GNB4: variants seen among roughly 807,000 people sequenced by gnomAD.
The protein encoded by GNB4 is guanine nucleotide-binding protein subunit beta-4.
Under a neutral mutation model 45.2 loss-of-function variants are expected in GNB4, and 28 were observed. The ratio of observed to expected loss-of-function variants is 0.62; its 90% CI spans 0.46 to 0.85. GNB4 has a LOEUF of 0.85. GNB4 is among the 40% of genes least tolerant of loss of function. GNB4 has a pLI of 0.00. For missense variants in GNB4, 321 were observed against 425.4 expected (o/e 0.75, Z 2.16); for synonymous variants, 132 against 143.7 (o/e 0.92, Z 0.58).
intron 2 of GNB4, among the ~76,000 whole-genome samples, chr3:179,421,949 A>C (rs183027120): frequency 1.3e-5 from 2 of 152,348 alleles, no homozygotes; most frequent in East Asian, 3.9e-4. Flanking sequence ...AAAATGGTAG[A>C]GTTAAAGACC....
chr3:179,510,351 T>C, the GNB4 span, among the ~76,000 whole-genome samples: 6 of 152,156 alleles, frequency 3.9e-5, no homozygotes, highest in Admixed American at 3.9e-4. Flanking sequence ...CTGCCCTCAT[T>C]CAGTAGTGAA....
At chr3:179,478,028 G>T in the GNB4 span, among the ~76,000 whole-genome samples, 1 of 152,154 alleles carries the variant, frequency 6.6e-6, no homozygotes, top group Non-Finnish European at 1.5e-5. Flanking sequence ...AGTTCTGGGG[G>T]CTGGGGAGTC....
intron 9 of GNB4, among the ~76,000 whole-genome samples, chr3:179,404,828 C>T (rs1000327060): frequency 1.3e-5 from 2 of 151,874 alleles, no homozygotes; most frequent in African/African-American, 4.8e-5. Flanking sequence ...ATGTCCTGTC[C>T]CATACAAGAT....
chr3:179,468,035 A>AAATATATATATATATAT, the GNB4 span, among the ~76,000 whole-genome samples: 51 of 89,740 alleles, frequency 5.7e-4, 3 homozygotes, highest in South Asian at 1.8e-3. Context: ...TGTTGATAAA[A>AAATATATATATATATAT]ATATATATAT....
At chr3:179,416,055 T>C (rs1279039476) in intron 5 of GNB4, among the ~76,000 whole-genome samples, 1 of 151,808 alleles carries the variant, frequency 6.6e-6, no homozygotes, top group Non-Finnish European at 1.5e-5. Flanking sequence ...GAGATCTACG[T>C]AAGTTGTCAT....
At position 179,436,629 on chromosome 3, in the gene GNB4, A is replaced by C. The variant is rs541547761; in HGVS notation, c.-42-10387T>G. Among the ~76,000 whole-genome samples, 43 of 152,232 alleles carry C rather than the reference A, an allele frequency of 2.8e-4. No homozygotes were observed. In the South Asian group the frequency reaches 8.7e-3, roughly 31 times the overall value. On this transcript the variant is annotated intron_variant, in intron 1 of 9. Transcript: ENST00000232564. ...TTAACTAAGAAATTTTAAAACACAC[A>C]TGCCCACCCACCCCAAGTGTTCCAT...
At chr3:179,435,282 T>A (rs946022869) in intron 1 of GNB4, among the ~76,000 whole-genome samples, 1 of 152,102 alleles carries the variant, frequency 6.6e-6, no homozygotes, top group Admixed American at 6.5e-5. Flanking sequence ...AACCCATACT[T>A]CTCTGATTAT....
chr3:179,469,580 T>C, the GNB4 span, among the ~76,000 whole-genome samples: 1 of 152,178 alleles, frequency 6.6e-6, no homozygotes, highest in Non-Finnish European at 1.5e-5. Context: ...AAGTTCAGTA[T>C]ACAAATGTTA....
At chr3:179,421,078 AAATCAAACC>A (rs2108597559) in intron 2 of GNB4, 151 bp from the exon 3 acceptor site, 1 of 589,420 alleles carries the variant, frequency 1.7e-6, no homozygotes, top group East Asian at 2.9e-5. Context: ...CACATAACCT[AAATCAAACC>A]ATTTTAACCA....
At position 179,426,225 on chromosome 3, in the gene GNB4, G is replaced by A; in HGVS notation, c.-25C>T. ...TTTTTTCAATTTGTTTACCTCAGGAGCTAATGAGTGAAAACAGCTGTTAAA... is the reference window on the plus strand; with the variant it reads ...TTTTTTCAATTTGTTTACCTCAGGAACTAATGAGTGAAAACAGCTGTTAAA... On this transcript the variant is annotated 5_prime_UTR_variant, in exon 2 of 10. Coordinates refer to ENST00000232564, the MANE Select transcript of GNB4 (RefSeq NM_021629.4). The A allele has an allele frequency of 6.4e-7, 1 of 1,558,176 alleles. No individual in the cohort carries two copies. The highest frequency in any genetic ancestry group is 8.7e-7 in the Non-Finnish European group (1 of 1,151,240).
At chr3:179,413,873 A>C in intron 6 of GNB4, 92 bp from the exon 7 acceptor site, 3 of 884,702 alleles carry the variant, frequency 3.4e-6, no homozygotes, top group Admixed American at 2.3e-5. Flanking sequence ...TAAAAATAGA[A>C]TACTTGGGCA....
chr3:179,447,477 T>C (rs559208655), intron 1 of GNB4, among the ~76,000 whole-genome samples: 3 of 152,252 alleles, frequency 2.0e-5, no homozygotes, highest in Admixed American at 1.3e-4. Flanking sequence ...GACTCCCATG[T>C]AGCTGAGACC....
At chr3:179,409,730 A>C (rs1454422745) in intron 8 of GNB4, among the ~76,000 whole-genome samples, 12 of 151,702 alleles carry the variant, frequency 7.9e-5, no homozygotes, top group Non-Finnish European at 1.6e-4. Flanking sequence ...GAATTGCTTG[A>C]AACTGGGAGG....
the GNB4 span, among the ~76,000 whole-genome samples, chr3:179,485,529 C>T: frequency 1.5e-4 from 23 of 152,194 alleles, no homozygotes; most frequent in South Asian, 6.2e-4. Context: ...GACATGTAAA[C>T]GCCTTAAGTT....
At chr3:179,468,035 A>AAAAAAAAAAAAATATATATAT in the GNB4 span, among the ~76,000 whole-genome samples, 21 of 89,864 alleles carry the variant, frequency 2.3e-4, no homozygotes, top group African/African-American at 6.8e-4. Flanking sequence ...TGTTGATAAA[A>AAAAAAAAAAAAATATATATAT]ATATATATAT....
At position 179,401,168 on chromosome 3, in the gene GNB4, G is replaced by T; in HGVS notation, c.*45C>A. 7.3e-7 allele frequency: 1 copy of T among 1,374,276 alleles called. No homozygotes were observed. Among genetic ancestry groups the T allele is most frequent in the South Asian group, 1.2e-5 (1 of 81,410 alleles). 85.1% of individuals were successfully genotyped at this position (1,374,276 alleles called of 1,614,324 possible). On this transcript the variant is annotated 3_prime_UTR_variant, in exon 10 of 10. Coordinates refer to ENST00000232564, the MANE Select transcript of GNB4 (RefSeq NM_021629.4). ...TTTCACAGCTATAGGCTGTAGCATT[G>T]ATTTCTCCAGATATATCAATGGAGA...
At chr3:179,449,138 C>A (rs965186640) in intron 1 of GNB4, among the ~76,000 whole-genome samples, 1 of 152,160 alleles carries the variant, frequency 6.6e-6, no homozygotes, top group Non-Finnish European at 1.5e-5. Context: ...GTTCTCATAT[C>A]CCAAAATTGA....
At chr3:179,490,260 A>G in the GNB4 span, among the ~76,000 whole-genome samples, 1 of 152,238 alleles carries the variant, frequency 6.6e-6, no homozygotes, top group African/African-American at 2.4e-5. Context: ...AACTCAAGAC[A>G]GTGCCAAACT....
chr3:179,482,142 A>G, the GNB4 span, among the ~76,000 whole-genome samples: 2 of 151,916 alleles, frequency 1.3e-5, no homozygotes, highest in African/African-American at 4.8e-5. Flanking sequence ...TAATCCTTTC[A>G]CCTCAGTTTC....
Sources: gnomAD v4.1 joint callset for allele counts (sites outside exome capture counted in the v4.1 genomes callset) on GRCh38, gnomAD v4.1.1 for gene constraint, MANE v1.5 for transcripts, NCBI Gene and HGNC (gene_info 2026-07-23, HGNC 2026-07-21) for gene names.